BTC: variants seen among roughly 807,000 people sequenced by gnomAD.
The protein encoded by BTC is betacellulin.
Under a neutral mutation model 18.1 loss-of-function variants are expected in BTC, and 13 were observed. The observed-to-expected ratio is 0.72, with a 90% CI of 0.47 to 1.14. BTC has a LOEUF of 1.14. BTC is among the 50% of genes most tolerant of loss of function. The probability of loss-of-function intolerance (pLI) is 0.00; values close to 1 mark genes in which losing one functional copy is unlikely to be tolerated. For missense variants in BTC, 247 were observed against 224.2 expected (o/e 1.10, Z -0.65); for synonymous variants, 83 against 79.4 (o/e 1.05, Z -0.24).
rs564729795 is a variant in BTC at position 74,745,305 on chromosome 4, A to G, written c.*1372T>C. 3 of 152,334 alleles carry G rather than the reference A, an allele frequency of 2.0e-5. No homozygotes were observed. Among genetic ancestry groups the G allele is most frequent in the African/African-American group, 7.2e-5 (3 of 41,572 alleles). The allele number at this position is 152,334 out of a possible 1,614,324, so 9.4% of individuals were successfully genotyped here. On this transcript the variant is annotated 3_prime_UTR_variant, in exon 6 of 6. Coordinates refer to ENST00000395743, the MANE Select transcript of BTC (RefSeq NM_001729.4). ...TCACTCAAAACACCATGGATGCTAG[A>G]AGGTAATATGCGATTTCAGCATTTG...
chr4:74,761,597 G>A (rs147078526), intron 2 of BTC, among the ~76,000 whole-genome samples: 13 of 152,176 alleles, frequency 8.5e-5, no homozygotes, highest in African/African-American at 2.9e-4. Context: ...CCTTATCTCA[G>A]TAAATCATAT....
chr4:74,785,338 GCTGT>G (rs911111195), intron 1 of BTC, among the ~76,000 whole-genome samples: 14 of 151,880 alleles, frequency 9.2e-5, no homozygotes, highest in Non-Finnish European at 1.9e-4. Flanking sequence ...AGTCTAGTTA[GCTGT>G]CTATTTTATT....
intron 1 of BTC, among the ~76,000 whole-genome samples, chr4:74,792,571 G>T (rs1369701550): frequency 2.0e-5 from 3 of 152,186 alleles, no homozygotes; most frequent in Admixed American, 1.3e-4. Flanking sequence ...CCCTGTGATG[G>T]TGTGTGTTTA....
chr4:74,766,125 T>A (rs1310489302), intron 2 of BTC, among the ~76,000 whole-genome samples: 1 of 152,110 alleles, frequency 6.6e-6, no homozygotes, highest in Non-Finnish European at 1.5e-5. Flanking sequence ...AGGCACTTAC[T>A]ATGAAAGGAA....
At chr4:74,750,862 T>C (rs1270996407) in intron 3 of BTC, 143 bp from the exon 4 acceptor site, 2 of 1,142,084 alleles carry the variant, frequency 1.8e-6, no homozygotes, top group Non-Finnish European at 2.5e-6. Flanking sequence ...TGCACTACTT[T>C]GTTGACCAGT....
chr4:74,767,650 G>A (rs543898647), intron 2 of BTC, among the ~76,000 whole-genome samples: 27 of 152,052 alleles, frequency 1.8e-4, no homozygotes, highest in Non-Finnish European at 2.7e-4. Context: ...TGGAGGTATC[G>A]TTCTTCCTGG....
At position 74,746,635 on chromosome 4, in the gene BTC, C is replaced by T. The variant is rs1724297854; in HGVS notation, c.*42G>A. 1 of 152,608 alleles carries T rather than the reference C, an allele frequency of 6.6e-6. No homozygotes were observed. Among genetic ancestry groups the T allele is most frequent in the Non-Finnish European group, 1.5e-5 (1 of 68,034 alleles). The allele number at this position is 152,608 out of a possible 1,614,324, so 9.5% of individuals were successfully genotyped here. A position where few individuals can be genotyped will look rare whatever the true frequency, so the allele number is the denominator to read the frequency against. ...TGTCCATTTTCAAATGAGCAAGGCA[C>T]TTTGCAGCTTGCCACCAACCTGGAG... is the stretch of plus-strand genomic sequence containing the variant. On this transcript the variant is annotated 3_prime_UTR_variant, in exon 6 of 6. Transcript: ENST00000395743.
rs1724991333 is a variant in BTC at position 74,769,783 on chromosome 4, A to G, written c.163+275T>C. Among the ~76,000 whole-genome samples the G allele has an allele frequency of 1.3e-5, 2 of 152,190 alleles. 1 individual carries two copies. ...GTGGCTGACTGGAGGCTCTAGAATC[A>G]GAAAGACCTGCATTTGAATTCCAGA... On this transcript the variant is annotated intron_variant, in intron 2 of 5. Transcript: ENST00000395743.
At chr4:74,781,325 C>G (rs1417308114) in intron 1 of BTC, among the ~76,000 whole-genome samples, 1 of 152,026 alleles carries the variant, frequency 6.6e-6, no homozygotes, top group East Asian at 1.9e-4. Flanking sequence ...GAAGTTGACT[C>G]TCATAAGCCA....
At chr4:74,772,697 G>C (rs898660581) in intron 1 of BTC, among the ~76,000 whole-genome samples, 2 of 151,130 alleles carry the variant, frequency 1.3e-5, no homozygotes, top group Non-Finnish European at 2.9e-5. Flanking sequence ...TTCCGCATCT[G>C]CAACCTGAGG....
At chr4:74,752,410 C>T (rs997211606) in intron 3 of BTC, among the ~76,000 whole-genome samples, 1 of 137,554 alleles carries the variant, frequency 7.3e-6, no homozygotes, top group Non-Finnish European at 1.5e-5. Context: ...GACGGTGTCT[C>T]GCTCTGTAGC....
intron 2 of BTC, among the ~76,000 whole-genome samples, chr4:74,759,508 T>C (rs1724693420): frequency 6.6e-6 from 1 of 152,084 alleles, no homozygotes; most frequent in Non-Finnish European, 1.5e-5. Flanking sequence ...CCACAGGTAA[T>C]ATATACCAAT....
chr4:74,765,288 T>C (rs1724871478), intron 2 of BTC, among the ~76,000 whole-genome samples: 1 of 151,780 alleles, frequency 6.6e-6, no homozygotes, highest in African/African-American at 2.4e-5. Flanking sequence ...ATAGAAAATA[T>C]TTTTTTAAAT....
intron 2 of BTC, among the ~76,000 whole-genome samples, chr4:74,756,780 G>T (rs532142706): frequency 6.6e-6 from 1 of 152,310 alleles, no homozygotes; most frequent in South Asian, 2.1e-4. Context: ...TTCATGCTCT[G>T]GATTTCATTC....
intron 2 of BTC, among the ~76,000 whole-genome samples, chr4:74,768,373 T>C (rs778114959): frequency 2.0e-5 from 3 of 152,240 alleles, no homozygotes; most frequent in Non-Finnish European, 4.4e-5. Context: ...TACTGACAGA[T>C]TAATGGATAA....
chr4:74,773,544 G>A (rs1725101008), intron 1 of BTC, among the ~76,000 whole-genome samples: 1 of 152,086 alleles, frequency 6.6e-6, no homozygotes, highest in African/African-American at 2.4e-5. Context: ...AGACACTGAA[G>A]GCTCTAAGAT....
intron 2 of BTC, among the ~76,000 whole-genome samples, chr4:74,761,705 T>G (rs574579694): frequency 6.6e-6 from 1 of 152,316 alleles, no homozygotes; most frequent in East Asian, 1.9e-4. Context: ...GCCGGCTGCA[T>G]TCAAAATACA....
At chr4:74,771,049 G>A (rs935769994) in intron 1 of BTC, among the ~76,000 whole-genome samples, 4 of 151,862 alleles carry the variant, frequency 2.6e-5, no homozygotes, top group Non-Finnish European at 4.4e-5. Context: ...GATGAAATAA[G>A]GTTGGCCACA....
chr4:74,746,941 C>A (rs1222198321), intron 5 of BTC, among the ~76,000 whole-genome samples: 3 of 152,102 alleles, frequency 2.0e-5, no homozygotes, highest in Admixed American at 2.0e-4. Context: ...AGCTTGTAGC[C>A]CTAATTGCTA....
Sources: allele counts gnomAD v4.1 joint callset (sites outside exome capture counted in the v4.1 genomes callset), GRCh38; gene constraint gnomAD v4.1.1; transcripts MANE v1.5; gene names NCBI Gene and HGNC (gene_info 2026-07-23, HGNC 2026-07-21).